Variants in MALRD1 observed in about 807,000 individuals in gnomAD.
MALRD1 encodes MAM and LDL receptor class A domain containing 1, also known as MAM and LDL-receptor class A domain-containing protein 1.
A neutral mutation model predicts 242.1 loss-of-function variants in MALRD1; 247 were observed. The ratio of observed to expected loss-of-function variants is 1.02; its 90% CI spans 0.92 to 1.13. The LOEUF (loss-of-function observed/expected upper bound fraction) is 1.13. Among genes scored for constraint, MALRD1 ranks in the 50% most tolerant of loss-of-function variants. The pLI, the probability that MALRD1 is intolerant of heterozygous loss-of-function variation, is 0.00. For missense variants in MALRD1, 2,989 were observed against 2,533.1 expected, an observed-to-expected ratio of 1.18 and a Z score of -3.86; for synonymous variants, 995 against 866.6, an observed-to-expected ratio of 1.15 and a Z score of -2.60.
chr10:19,240,067 G>T (rs1838689332), intron 18 of MALRD1, among the ~76,000 whole-genome samples: 1 of 152,074 alleles, frequency 6.6e-6, no homozygotes, highest in Non-Finnish European at 1.5e-5. Flanking sequence ...GGATTGCATT[G>T]AATCTGTAGG....
chr10:19,200,662 T>TTTGTTTGTTTTTG (rs1836489073), intron 14 of MALRD1, among the ~76,000 whole-genome samples: 1 of 145,018 alleles, frequency 6.9e-6, no homozygotes, highest in African/African-American at 2.7e-5. Flanking sequence ...TTTTTTTTTT[T>TTTGTTTGTTTTTG]TTTTTTTTTG....
At chr10:19,587,419 A>G (rs898486018) in intron 33 of MALRD1, among the ~76,000 whole-genome samples, 4 of 152,230 alleles carry the variant, frequency 2.6e-5, no homozygotes, top group Non-Finnish European at 4.4e-5. Context: ...CTGAAGTTCT[A>G]CTTGCATATC....
chr10:19,228,797 C>T (rs754709799), intron 18 of MALRD1, among the ~76,000 whole-genome samples: 2 of 152,154 alleles, frequency 1.3e-5, no homozygotes, highest in Non-Finnish European at 1.5e-5. Context: ...AGAATATACA[C>T]GTGTTTTCTT....
chr10:19,062,137 A>G lies in MALRD1; in HGVS notation c.200-4582A>G, dbSNP rs1386766030. Among the ~76,000 whole-genome samples, 5 of 152,326 alleles carry G rather than the reference A, an allele frequency of 3.3e-5. 1 individual carries two copies. The South Asian group carries it at 1.0e-3, about 32-fold the overall frequency. Reference sequence around the variant, plus strand: ...CCTTGAATAGACATTTCTCAAAAAAATACATAAATGTCCAATAAGCACATG... The same window carrying G: ...CCTTGAATAGACATTTCTCAAAAAAGTACATAAATGTCCAATAAGCACATG... On this transcript the variant is annotated intron_variant, in intron 1 of 39. Coordinates refer to ENST00000454679, the MANE Select transcript of MALRD1 (RefSeq NM_001142308.3).
At chr10:19,236,985 CATTA>C (rs1476889072) in intron 18 of MALRD1, among the ~76,000 whole-genome samples, 1 of 151,658 alleles carries the variant, frequency 6.6e-6, no homozygotes, top group African/African-American at 2.4e-5. Context: ...TTATTTAATT[CATTA>C]ATTTATTTTT....
intron 28 of MALRD1, among the ~76,000 whole-genome samples, chr10:19,417,746 C>A (rs1833565042): frequency 6.6e-6 from 1 of 152,078 alleles, no homozygotes; most frequent in African/African-American, 2.4e-5. Flanking sequence ...TTTAGGTACA[C>A]CTTGAGCAGC....
chr10:19,216,444 C>T, intron 18 of MALRD1, among the ~76,000 whole-genome samples: 1 of 151,898 alleles, frequency 6.6e-6, no homozygotes, highest in East Asian at 1.9e-4. Context: ...TTTTCCTCCT[C>T]TCTCATTCCC....
At chr10:19,512,689 T>G (rs980822117) in intron 31 of MALRD1, among the ~76,000 whole-genome samples, 16 of 152,224 alleles carry the variant, frequency 1.1e-4, no homozygotes, top group Non-Finnish European at 2.9e-5. Context: ...TAAATCCATT[T>G]GTAAAATTTT....
intron 33 of MALRD1, 65 bp downstream of exon 33, chr10:19,567,768 T>C (rs1836323001): frequency 7.3e-7 from 1 of 1,372,758 alleles, no homozygotes; most frequent in South Asian, 1.3e-5. Flanking sequence ...TACTAAAGAT[T>C]TGGGAATTTC....
chr10:19,282,510 T>A (rs1024098292), intron 20 of MALRD1, among the ~76,000 whole-genome samples: 1 of 152,168 alleles, frequency 6.6e-6, no homozygotes, highest in Non-Finnish European at 1.5e-5. Context: ...CTGTACATTT[T>A]AAAAAATCGC....
chr10:19,530,401 T>TATAAA (rs1564417274), intron 31 of MALRD1, among the ~76,000 whole-genome samples: 6 of 34,070 alleles, frequency 1.8e-4, no homozygotes, highest in Non-Finnish European at 3.4e-4. Flanking sequence ...TATATAAATA[T>TATAAA]TATATATTTA....
At chr10:19,200,350 C>G (rs962693704) in intron 14 of MALRD1, among the ~76,000 whole-genome samples, 5 of 152,092 alleles carry the variant, frequency 3.3e-5, no homozygotes, top group Non-Finnish European at 7.4e-5. Context: ...TTTTGTTTTT[C>G]TCACTCAACA....
intron 32 of MALRD1, among the ~76,000 whole-genome samples, chr10:19,556,609 T>C (rs1402362967): frequency 1.3e-5 from 2 of 152,188 alleles, no homozygotes; most frequent in Non-Finnish European, 2.9e-5. Context: ...ATTTACTTAT[T>C]GCAGAATAAG....
At chr10:19,208,970 T>C (rs1295268067) in intron 17 of MALRD1, among the ~76,000 whole-genome samples, 1 of 152,218 alleles carries the variant, frequency 6.6e-6, no homozygotes, top group Non-Finnish European at 1.5e-5. Flanking sequence ...GTCTTGATCA[T>C]GTGCCTGGAG....
intron 21 of MALRD1, among the ~76,000 whole-genome samples, chr10:19,308,193 C>A (rs1842298982): frequency 6.6e-6 from 1 of 151,458 alleles, no homozygotes; most frequent in African/African-American, 2.4e-5. Context: ...ACTACCTTTT[C>A]CAGCCTCTGG....
chr10:19,635,378 A>C (rs954853146), intron 36 of MALRD1, among the ~76,000 whole-genome samples: 1 of 152,174 alleles, frequency 6.6e-6, no homozygotes, highest in Non-Finnish European at 1.5e-5. Flanking sequence ...AAACTTGAAG[A>C]AATATAGTTC....
intron 33 of MALRD1, among the ~76,000 whole-genome samples, chr10:19,571,564 G>T (rs879912987): frequency 2.0e-5 from 3 of 152,018 alleles, no homozygotes; most frequent in Non-Finnish European, 4.4e-5. Flanking sequence ...TATTTTGTAG[G>T]CTAAAAATCT....
intron 31 of MALRD1, among the ~76,000 whole-genome samples, chr10:19,503,135 G>A (rs988731600): frequency 3.3e-5 from 5 of 152,134 alleles, no homozygotes; most frequent in Non-Finnish European, 7.3e-5. Flanking sequence ...TTTACAGAGT[G>A]CTCTCTTCAA....
intron 6 of MALRD1, 39 bp downstream of exon 6, chr10:19,123,632 A>G: frequency 8.9e-7 from 1 of 1,128,870 alleles, no homozygotes. Context: ...TCTGGTATAT[A>G]TGCAATATGT....
Sources: allele counts gnomAD v4.1 joint callset (sites outside exome capture counted in the v4.1 genomes callset), GRCh38; gene constraint gnomAD v4.1.1; transcripts MANE v1.5; gene names NCBI Gene and HGNC (gene_info 2026-07-23, HGNC 2026-07-21).